FLT4: variants seen among roughly 807,000 people sequenced by gnomAD.
FLT4 encodes the protein vascular endothelial growth factor receptor 3.
FLT4 carries 30 observed loss-of-function variants against 163.2 expected under a neutral mutation model. The observed-to-expected ratio is 0.18, with a 90% confidence interval of 0.14 to 0.25. FLT4 has a LOEUF of 0.25. FLT4 is among the 10% of genes least tolerant of loss of function. The pLI, the probability that FLT4 is intolerant of heterozygous loss-of-function variation, is 1.00. For missense variants in FLT4, 1,510 were observed against 1,863.8 expected (o/e 0.81, Z 3.50); for synonymous variants, 884 against 789.5 (o/e 1.12, Z -2.01).
At chr5:180,628,427 A>G (rs888248424) in intron 8 of FLT4, among the ~76,000 whole-genome samples, 2 of 152,238 alleles carry the variant, frequency 1.3e-5, no homozygotes, top group Non-Finnish European at 2.9e-5. Flanking sequence ...GCTGCCGTGC[A>G]GCACAGGCCC....
chr5:180,643,317 G>A (rs1024370701), intron 1 of FLT4, among the ~76,000 whole-genome samples: 3 of 152,226 alleles, frequency 2.0e-5, no homozygotes, highest in Non-Finnish European at 4.4e-5. Context: ...GGAGGGCACT[G>A]TGGGTGGGGT....
chr5:180,618,917 TCTC>T lies in FLT4; in HGVS notation c.2851_2853del (p.Glu951del), dbSNP rs746341092. On this transcript the variant is annotated inframe_deletion and splice_region_variant, in exon 21 of 30. Coordinates refer to ENST00000261937, the MANE Select transcript of FLT4 (RefSeq NM_182925.5). ...AAGCGTCCGCGCTGCTCGGGAGACT[TCTC>T]CTGCGGATGCACGAAGCTGGCTCGA... The T allele has an allele frequency of 3.2e-5, 50 of 1,585,198 alleles. No individual in the cohort carries two copies. The highest frequency in any genetic ancestry group is 2.5e-4 in the Admixed American group (14 of 56,086).
chr5:180,611,701 C>G (rs1482556882), intron 26 of FLT4: 4 of 604,310 alleles, frequency 6.6e-6, no homozygotes, highest in Non-Finnish European at 1.2e-5. Context: ...CCTAACAGAC[C>G]ATGCGGGCAC....
intron 27 of FLT4, among the ~76,000 whole-genome samples, chr5:180,610,743 T>C (rs1762109275): frequency 6.6e-6 from 1 of 152,154 alleles, no homozygotes; most frequent in African/African-American, 2.4e-5. Flanking sequence ...CCAAACACAG[T>C]CCACTCCACC....
chr5:180,622,909 A>C, intron 11 of FLT4, 70 bp from the exon 12 acceptor site: 6 of 1,051,392 alleles, frequency 5.7e-6, no homozygotes, highest in Non-Finnish European at 8.7e-6. Flanking sequence ...GTCTTTCTGC[A>C]AGGAGGTCGC....
Position 180,629,393 on chromosome 5 carries a change from G to A in FLT4, c.851C>T (p.Ser284Phe), listed in dbSNP as rs1763905318. 3 of 1,611,922 alleles carry A rather than the reference G, an allele frequency of 1.9e-6. No individual in the cohort carries two copies. Among genetic ancestry groups the A allele is most frequent in the Admixed American group, 1.7e-5 (1 of 60,006 alleles). The part of the protein sequence containing the change: ...ERGKWVPERR[S>F]QQTHTELSSI... The stretch of plus-strand genomic sequence containing the variant: ...GGAGAGTTCTGTGTGGGTCTGCTGG[G>A]AGCGTCGCTCGGGCACCCACTTACC... Residue 284 changes from serine (S) to phenylalanine (F), a missense_variant, in exon 7 of 30, where the codon TCC becomes TTC. Transcript: ENST00000261937.
chr5:180,609,421 C>T (rs995063515), intron 28 of FLT4: 12 of 411,416 alleles, frequency 2.9e-5, no homozygotes, highest in African/African-American at 1.4e-4. Flanking sequence ...GGCTGCCTCC[C>T]GGTTTGGGGG....
chr5:180,630,834 G>A lies in FLT4; in HGVS notation c.156-35C>T, dbSNP rs1339962334. On this transcript the variant is annotated intron_variant, in intron 2 of 29. Transcript: ENST00000261937. The surrounding 1 kb of genome is among the most constrained non-coding windows in gnomAD (Gnocchi z 6.3). The stretch of plus-strand genomic sequence containing the variant: ...GACAGGAGTGGTCAGGTGGGCCCCA[G>A]GGCAGCCCATGGGGACTGTCCCTGA... The A allele has an allele frequency of 6.3e-7, 1 of 1,578,830 alleles. No individual in the cohort carries two copies. Among genetic ancestry groups the A allele is most frequent in the African/African-American group, 1.3e-5 (1 of 74,430 alleles).
chr5:180,629,450 C>T (rs369589620), intron 6 of FLT4, 23 bp from the exon 7 acceptor site: 155 of 1,609,074 alleles, frequency 9.6e-5, no homozygotes, highest in Non-Finnish European at 1.2e-4. Flanking sequence ...AGGGAAGCCC[C>T]GCGTCAGCAG....
At chr5:180,642,410 C>A (rs10479579) in intron 1 of FLT4, among the ~76,000 whole-genome samples, 6,002 of 152,104 alleles carry the variant, frequency 0.039, 165 homozygotes, top group South Asian at 0.12. Flanking sequence ...GCTTGCTGGC[C>A]CAGGAGGCGG....
chr5:180,610,000 C>G lies in FLT4; in HGVS notation c.3712G>C (p.Gly1238Arg), dbSNP rs766960409. ...ARYYNWVSFP[G>R]CLARGAETRG... ...GTCTCAGCCCCTCTGGCCAGGCACC[C>G]GGGAAAGGACACCCAGTTGTAATAC... Residue 1238 changes from glycine to arginine, a missense_variant, in exon 28 of 30, where the codon GGG (glycine) becomes CGG (arginine). This residue lies in a region of FLT4 where 295 missense variants were observed against 311.0 expected (regional missense o/e 0.95). Transcript: ENST00000261937. 1.2e-6 allele frequency: 2 copies of G among 1,614,042 alleles called. No individual in the cohort carries two copies. The highest frequency in any genetic ancestry group is 1.3e-5 in the African/African-American group (1 of 74,934).
In FLT4 at chr5:180,641,034, C is replaced by T. The variant is rs557327806; in HGVS notation, c.58+8454G>A. On this transcript the variant is annotated intron_variant, in intron 1 of 29. Coordinates refer to ENST00000261937, the MANE Select transcript of FLT4 (RefSeq NM_182925.5). ...TTGAGGGTAGAACTAGCTGCATCCT[C>T]GCAGCCCTGCCCTCGCCTTGCCATC... is the stretch of plus-strand genomic sequence containing the variant. Among the ~76,000 whole-genome samples the T allele has an allele frequency of 1.2e-4, 19 of 152,306 alleles. No homozygotes were observed. In the South Asian group the frequency reaches 1.7e-3, roughly 13 times the overall value.
In FLT4 at chr5:180,629,332, G is replaced by T; in HGVS notation, c.912C>A (p.Asp304Glu). 6.2e-7 allele frequency: 1 copy of T among 1,613,334 alleles called. No homozygotes were observed. Among genetic ancestry groups the T allele is most frequent in the Non-Finnish European group, 8.5e-7 (1 of 1,180,014 alleles). Residue 304 changes from aspartate (D) to glutamate (E), a missense_variant, in exon 7 of 30, where the codon GAC (aspartate) becomes GAA (glutamate). Asp to Glu is a conservative substitution (Grantham distance 45). Coordinates refer to ENST00000261937, the MANE Select transcript of FLT4 (RefSeq NM_182925.5). ...TGGCCTTGCACACATACGAGCCCAG[G>T]TCGTGCTGGCTGACGTTGTGGATGG... ...ILTIHNVSQHDLGSYVCKANN... is the reference protein window; with the variant it reads ...ILTIHNVSQHELGSYVCKANN...
Position 180,618,788 on chromosome 5 carries a change from C to T in FLT4, c.2983G>A (p.Ala995Thr), listed in dbSNP as rs2127806617. Reference sequence around the variant, plus strand: ...CTCTCACCTTCTTGGTCTGGAGAAGCCCGCCTCGCTCCGCCCTCGGTCTTC... The same window carrying T: ...CTCTCACCTTCTTGGTCTGGAGAAGTCCGCCTCGCTCCGCCCTCGGTCTTC... ...FSKTEGGARR[A>T]SPDQEAEDLW... Residue 995 changes from alanine to threonine, a missense_variant, in exon 21 of 30, where the codon GCT becomes ACT. By Grantham distance (58) the Ala-to-Thr change is moderately conservative. This residue lies in a region of FLT4 where 878 missense variants were observed against 1,016.7 expected (regional missense o/e 0.86). Transcript: ENST00000261937. 1.9e-6 allele frequency: 3 copies of T among 1,589,572 alleles called. No homozygotes were observed. The highest frequency in any genetic ancestry group is 2.6e-6 in the Non-Finnish European group (3 of 1,168,680).
At chr5:180,649,438 CT>C in intron 1 of FLT4, 49 bp downstream of exon 1, 1 of 1,387,184 alleles carries the variant, frequency 7.2e-7, no homozygotes, top group South Asian at 1.3e-5. Context: ...GCGGTACCCC[CT>C]CCCCGGCCAG....
chr5:180,647,902 G>A (rs1011842503), intron 1 of FLT4, among the ~76,000 whole-genome samples: 19 of 152,128 alleles, frequency 1.2e-4, no homozygotes, highest in Non-Finnish European at 1.3e-4. Flanking sequence ...CCACCCGGGA[G>A]CACCAGGACA....
At chr5:180,614,211 T>C in intron 23 of FLT4, 32 bp from the exon 24 acceptor site, 1 of 1,405,688 alleles carries the variant, frequency 7.1e-7, no homozygotes, top group Non-Finnish European at 1.0e-6. Context: ...TGTCCCGTGG[T>C]GGATGGGGAG....
chr5:180,620,512 G>A lies in FLT4; in HGVS notation c.2406+97C>T, dbSNP rs766832245. 1.7e-6 allele frequency: 2 copies of A among 1,194,420 alleles called. No homozygotes were observed. Among genetic ancestry groups the A allele is most frequent in the Non-Finnish European group, 2.5e-6 (2 of 811,930 alleles). 74.0% of individuals were successfully genotyped at this position (1,194,420 alleles called of 1,614,324 possible). ...GGCTTCCCAGGAAACAAGGCTGCCA[G>A]GTGAACTAGGGCGGGCACCTTATTC... On this transcript the variant is annotated intron_variant, in intron 16 of 29. Coordinates refer to ENST00000261937, the MANE Select transcript of FLT4 (RefSeq NM_182925.5). This position sits in a 1 kb window ranked among gnomAD's most constrained non-coding sequence, Gnocchi z 4.4.
chr5:180,603,994 G>A (rs1332259829), intron 29 of FLT4, among the ~76,000 whole-genome samples: 1 of 152,050 alleles, frequency 6.6e-6, no homozygotes, highest in Admixed American at 6.6e-5. Context: ...GACAAAGTGA[G>A]ACCCTGTCTC....
Sources: allele counts gnomAD v4.1 joint callset (sites outside exome capture counted in the v4.1 genomes callset), GRCh38; gene constraint gnomAD v4.1.1; regional missense constraint gnomAD v4.1.1; non-coding constraint Gnocchi (gnomAD v3.1); transcripts MANE v1.5; gene names NCBI Gene and HGNC (gene_info 2026-07-23, HGNC 2026-07-21).